Variants in SNX10 observed in about 807,000 individuals in gnomAD.
The protein encoded by SNX10 is sorting nexin-10.
SNX10 carries 25 observed loss-of-function variants against 28.5 expected under a neutral mutation model. That is an observed-to-expected ratio of 0.88 (90% CI 0.64 to 1.22). The LOEUF (loss-of-function observed/expected upper bound fraction) is 1.22, where lower values mean the gene tolerates loss of function less well. Ranked by LOEUF, SNX10 falls within the 50% of genes most tolerant of loss-of-function variation. SNX10 has a pLI of 0.00. For synonymous variants in SNX10, 62 were observed against 81.4 expected, an observed-to-expected ratio of 0.76 and a Z score of 1.28; for missense variants, 223 against 242.6, an observed-to-expected ratio of 0.92 and a Z score of 0.54.
intron 1 of SNX10, among the ~76,000 whole-genome samples, chr7:26,317,737 A>G (rs940135352): frequency 5.6e-5 from 8 of 142,252 alleles, no homozygotes; most frequent in African/African-American, 2.1e-4. Flanking sequence ...ATCTCGGCTC[A>G]CTGGAACCTC....
At chr7:26,356,442 A>G (rs767814245) in intron 2 of SNX10, among the ~76,000 whole-genome samples, 8 of 152,154 alleles carry the variant, frequency 5.3e-5, no homozygotes, top group Non-Finnish European at 1.2e-4. Context: ...GCCTGTCAAC[A>G]TTCCTTTGAA....
At chr7:26,331,879 G>A (rs936673337) in intron 1 of SNX10, among the ~76,000 whole-genome samples, 5 of 152,032 alleles carry the variant, frequency 3.3e-5, no homozygotes, top group Non-Finnish European at 5.9e-5. Context: ...TGTTGTGACC[G>A]GTTTCTTTCA....
At position 26,348,508 on chromosome 7, in the gene SNX10, G is replaced by A. The variant is rs117519723; in HGVS notation, c.24+2042G>A. On this transcript the variant is annotated intron_variant, in intron 2 of 6. Transcript: ENST00000338523. Reference sequence around the variant, plus strand: ...GAACCAGCCAAAGCAAGAGCTGGACGCATGGGCAGTCAGGTGGGGTCCAAG... The same window carrying A: ...GAACCAGCCAAAGCAAGAGCTGGACACATGGGCAGTCAGGTGGGGTCCAAG... Among the ~76,000 whole-genome samples the A allele has an allele frequency of 6.3e-4, 96 of 152,346 alleles. No homozygotes were observed. In the East Asian group the frequency reaches 0.018, roughly 29 times the overall value.
intron 1 of SNX10, among the ~76,000 whole-genome samples, chr7:26,305,175 C>T (rs1275686994): frequency 6.6e-6 from 1 of 152,110 alleles, no homozygotes; most frequent in Non-Finnish European, 1.5e-5. Flanking sequence ...TCCTGGGTCC[C>T]TCTTTCCTCC....
chr7:26,355,149 G>A (rs545284536), intron 2 of SNX10, among the ~76,000 whole-genome samples: 13 of 152,270 alleles, frequency 8.5e-5, no homozygotes, highest in South Asian at 8.3e-4. Flanking sequence ...GGGCGTATTT[G>A]TGTAGGTCTC....
intron 1 of SNX10, among the ~76,000 whole-genome samples, chr7:26,301,776 C>T (rs538863432): frequency 2.0e-5 from 3 of 152,284 alleles, no homozygotes; most frequent in Non-Finnish European, 4.4e-5. Flanking sequence ...ATGACTTGAA[C>T]AAATGGAGGA....
chr7:26,332,578 C>T (rs1787787320), intron 1 of SNX10, among the ~76,000 whole-genome samples: 1 of 152,104 alleles, frequency 6.6e-6, no homozygotes, highest in African/African-American at 2.4e-5. Flanking sequence ...TTTATGAAGC[C>T]TAATTTACCT....
chr7:26,318,976 T>A (rs770081061), intron 1 of SNX10, among the ~76,000 whole-genome samples: 2 of 152,224 alleles, frequency 1.3e-5, no homozygotes, highest in African/African-American at 4.8e-5. Flanking sequence ...AGTGGCATAG[T>A]TGGGGATTTG....
chr7:26,292,255 C>T (rs1785953717), intron 1 of SNX10, 169 bp downstream of exon 1: 2 of 152,242 alleles, frequency 1.3e-5, no homozygotes, highest in South Asian at 4.1e-4. Context: ...GAGCCGCCTC[C>T]TTTTCAGCCG....
At chr7:26,315,594 G>A (rs1419433953) in intron 1 of SNX10, among the ~76,000 whole-genome samples, 2 of 151,754 alleles carry the variant, frequency 1.3e-5, no homozygotes, top group Non-Finnish European at 2.9e-5. Flanking sequence ...CATGAACCCA[G>A]GAGGCGGAGG....
intron 1 of SNX10, among the ~76,000 whole-genome samples, chr7:26,329,840 G>T (rs1787665172): frequency 6.6e-6 from 1 of 152,204 alleles, no homozygotes; most frequent in Non-Finnish European, 1.5e-5. Flanking sequence ...CAAATGTTAG[G>T]TTGATCCAGG....
intron 1 of SNX10, among the ~76,000 whole-genome samples, chr7:26,326,190 C>A (rs533284206): frequency 2.6e-5 from 4 of 152,218 alleles, no homozygotes; most frequent in East Asian, 3.9e-4. Context: ...TTAGTTCTTC[C>A]CTTGCTTTTT....
intron 1 of SNX10, among the ~76,000 whole-genome samples, chr7:26,308,732 C>T (rs1008650117): frequency 2.0e-5 from 3 of 152,102 alleles, no homozygotes; most frequent in Non-Finnish European, 4.4e-5. Context: ...TCATGGGATC[C>T]CCAGTTTATA....
chr7:26,369,540 T>C (rs926169813), intron 5 of SNX10, among the ~76,000 whole-genome samples: 2 of 152,184 alleles, frequency 1.3e-5, no homozygotes, highest in Non-Finnish European at 2.9e-5. Context: ...TATGGTGGCA[T>C]GAATTTAGCC....
At chr7:26,328,791 A>G (rs1023402613) in intron 1 of SNX10, among the ~76,000 whole-genome samples, 1 of 152,176 alleles carries the variant, frequency 6.6e-6, no homozygotes, top group Admixed American at 6.5e-5. Context: ...CCCAGGCTGC[A>G]TGGAATGTTT....
At chr7:26,312,625 A>G (rs1422839941) in intron 1 of SNX10, among the ~76,000 whole-genome samples, 1 of 152,192 alleles carries the variant, frequency 6.6e-6, no homozygotes, top group Non-Finnish European at 1.5e-5. Context: ...CTCTACTAAA[A>G]ATACAAAAAT....
intron 1 of SNX10, among the ~76,000 whole-genome samples, chr7:26,320,525 G>A (rs560307254): frequency 5.3e-5 from 8 of 151,914 alleles, no homozygotes; most frequent in South Asian, 2.1e-4. Context: ...TCTGCTTCCC[G>A]GGTCCAAGTG....
At chr7:26,293,764 GTC>G (rs1468659275) in intron 1 of SNX10, among the ~76,000 whole-genome samples, 1 of 152,048 alleles carries the variant, frequency 6.6e-6, no homozygotes, top group African/African-American at 2.4e-5. Context: ...CCACCAGGGA[GTC>G]TCCCCTCCAG....
chr7:26,314,464 G>C (rs558271182), intron 1 of SNX10, among the ~76,000 whole-genome samples: 1 of 152,256 alleles, frequency 6.6e-6, no homozygotes, highest in South Asian at 2.1e-4. Context: ...ATGTTAGCCA[G>C]ACTGGCAATA....
Sources: gnomAD v4.1 joint callset for allele counts (sites outside exome capture counted in the v4.1 genomes callset) on GRCh38, gnomAD v4.1.1 for gene constraint, MANE v1.5 for transcripts, NCBI Gene and HGNC (gene_info 2026-07-23, HGNC 2026-07-21) for gene names.